Variants in XRRA1 observed in about 807,000 individuals in gnomAD.
The protein encoded by XRRA1 is X-ray radiation resistance-associated protein 1.
A neutral mutation model predicts 80.2 loss-of-function variants in XRRA1; 69 were observed. The ratio of observed to expected loss-of-function variants is 0.86; its 90% CI spans 0.71 to 1.05. The LOEUF is 1.05. Among genes scored for constraint, XRRA1 ranks in the 50% least tolerant of loss-of-function variants. XRRA1 has a pLI of 0.00. For missense variants in XRRA1, 967 were observed against 976.4 expected (o/e 0.99, Z 0.13); for synonymous variants, 348 against 389.9 (o/e 0.89, Z 1.27).
intron 12 of XRRA1, among the ~76,000 whole-genome samples, chr11:74,852,619 G>C (rs1027699486): frequency 9.2e-5 from 14 of 152,154 alleles, no homozygotes; most frequent in African/African-American, 3.1e-4. Flanking sequence ...ACATCTAAGG[G>C]ATAAGTAGAG....
rs1312156559 is a variant in XRRA1, at chr11:74,921,350, G to A, written c.523-3C>T. The A allele has an allele frequency of 6.2e-7, 1 of 1,613,838 alleles. No homozygotes were observed. On this transcript the variant is annotated splice_region_variant and splice_polypyrimidine_tract_variant and intron_variant, in intron 7 of 18. Coordinates refer to ENST00000684022, the MANE Select transcript of XRRA1 (RefSeq NM_001378157.1). ...CTGTTGAAGGAAAGGTCCAAGAACT[G>A]CCATGCAAAGATGAAAGATGGGGAA... is the stretch of plus-strand genomic sequence containing the variant.
At chr11:74,873,100 G>T (rs1282677) in intron 10 of XRRA1, among the ~76,000 whole-genome samples, 124,985 of 152,078 alleles carry the variant, frequency 0.82, 51,619 homozygotes, top group African/African-American at 0.89. Flanking sequence ...AATCCAGAAG[G>T]GTGAGCAACT....
At chr11:74,870,266 T>C (rs2044468338) in intron 10 of XRRA1, among the ~76,000 whole-genome samples, 1 of 152,144 alleles carries the variant, frequency 6.6e-6, no homozygotes, top group Admixed American at 6.5e-5. Flanking sequence ...ATGGAGAGCC[T>C]AGCTATTGCA....
intron 10 of XRRA1, among the ~76,000 whole-genome samples, chr11:74,902,499 A>C (rs772166523): frequency 5.9e-5 from 9 of 152,242 alleles, no homozygotes; most frequent in Non-Finnish European, 1.2e-4. Flanking sequence ...ACAATAGCCA[A>C]GATTTGGAAG....
chr11:74,907,774 G>A (rs1257237461), intron 8 of XRRA1, among the ~76,000 whole-genome samples: 2 of 152,136 alleles, frequency 1.3e-5, no homozygotes, highest in Non-Finnish European at 2.9e-5. Flanking sequence ...ACCCCTGGCT[G>A]CAGTGAGGCT....
rs759164553 is a variant in XRRA1, at chr11:74,843,884, C to T, written c.2119G>A (p.Asp707Asn). 1.2e-6 allele frequency: 2 copies of T among 1,612,378 alleles called. No homozygotes were observed. Among genetic ancestry groups the T allele is most frequent in the Non-Finnish European group, 1.7e-6 (2 of 1,179,312 alleles). Reference sequence around the variant, plus strand: ...GGAGCCTCTGTAATGTTCCGGGGATCCCGCAAGCGAATGAAGATGTCATCC... The same window carrying T: ...GGAGCCTCTGTAATGTTCCGGGGATTCCGCAAGCGAATGAAGATGTCATCC... Reference protein sequence around the residue: ...LLDDIFIRLRDPRNITEAPLG... With the variant: ...LLDDIFIRLRNPRNITEAPLG... The change falls in exon 18 of 19, where the codon GAT becomes AAT. Residue 707 changes from aspartate to asparagine, a missense_variant. Physicochemically the swap from Asp to Asn is conservative, Grantham distance 23. Coordinates refer to ENST00000684022, the MANE Select transcript of XRRA1 (RefSeq NM_001378157.1).
At chr11:74,849,806 C>T (rs2039313454) in intron 14 of XRRA1, among the ~76,000 whole-genome samples, 1 of 152,226 alleles carries the variant, frequency 6.6e-6, no homozygotes, top group Non-Finnish European at 1.5e-5. Flanking sequence ...AAAGGGCTCA[C>T]ACAGCTTCTT....
intron 8 of XRRA1, among the ~76,000 whole-genome samples, chr11:74,912,143 A>G (rs577249936): frequency 2.6e-5 from 4 of 152,326 alleles, no homozygotes; most frequent in African/African-American, 9.6e-5. Flanking sequence ...AATTTAGCTT[A>G]AGCTGATTCC....
At chr11:74,851,786 G>C (rs2039928193) in intron 13 of XRRA1, among the ~76,000 whole-genome samples, 2 of 152,204 alleles carry the variant, frequency 1.3e-5, no homozygotes, top group Non-Finnish European at 2.9e-5. Flanking sequence ...CACTGTCCGT[G>C]GGGACAATAA....
At position 74,945,032 on chromosome 11, in the gene XRRA1, T is replaced by C. The variant is rs1487613546; in HGVS notation, c.-19A>G. On this transcript the variant is annotated 5_prime_UTR_variant, in exon 2 of 19. Coordinates refer to ENST00000684022, the MANE Select transcript of XRRA1 (RefSeq NM_001378157.1). Reference sequence around the variant, plus strand: ...AGAGTACTTACTTGATCTTTGACTTTGGGAATGGCCCCTTAACTTCCTTTT... The same window carrying C: ...AGAGTACTTACTTGATCTTTGACTTCGGGAATGGCCCCTTAACTTCCTTTT... 6.6e-6 allele frequency: 1 copy of C among 152,460 alleles called. No individual in the cohort carries two copies. Among genetic ancestry groups the C allele is most frequent in the Non-Finnish European group, 1.5e-5 (1 of 67,920 alleles). 9.4% of individuals were successfully genotyped at this position (152,460 alleles called of 1,614,324 possible).
At position 74,856,142 on chromosome 11, in the gene XRRA1, AC is replaced by A. The variant is rs2041042843; in HGVS notation, c.1170+3015del. On this transcript the variant is annotated intron_variant, in intron 12 of 18. Coordinates refer to ENST00000684022, the MANE Select transcript of XRRA1 (RefSeq NM_001378157.1). Reference sequence around the variant, plus strand: ...GCGAAACTCCATCTGAACAACAACAACAACAAAAATCATTCATTCATCTAAC... The same window carrying A: ...GCGAAACTCCATCTGAACAACAACAAAACAAAAATCATTCATTCATCTAAC... Among the ~76,000 whole-genome samples, 67 of 152,344 alleles carry A rather than the reference AC, an allele frequency of 4.4e-4. 1 individual carries two copies. The South Asian group carries it at 0.013, about 31-fold the overall frequency.
intron 2 of XRRA1, among the ~76,000 whole-genome samples, chr11:74,944,577 T>C (rs933124299): frequency 9.9e-5 from 15 of 152,184 alleles, no homozygotes; most frequent in Non-Finnish European, 2.9e-5. Context: ...TGCAAAGGGA[T>C]GGAGGCTTGT....
intron 4 of XRRA1, among the ~76,000 whole-genome samples, chr11:74,936,299 A>G (rs1944969216): frequency 6.6e-6 from 1 of 152,212 alleles, no homozygotes; most frequent in African/African-American, 2.4e-5. Flanking sequence ...GCACTAAGTA[A>G]TATCTGGTCA....
chr11:74,863,980 A>G (rs960960494), intron 10 of XRRA1: 16 of 152,200 alleles, frequency 1.1e-4, no homozygotes, highest in African/African-American at 3.6e-4. Context: ...TCTCCCCACA[A>G]TCACAGGAAT....
At chr11:74,944,354 G>A (rs1377812526) in intron 2 of XRRA1, among the ~76,000 whole-genome samples, 4 of 152,066 alleles carry the variant, frequency 2.6e-5, no homozygotes, top group Non-Finnish European at 5.9e-5. Flanking sequence ...TGCTACACAC[G>A]CACACACACA....
At chr11:74,947,193 A>C (rs1947751041) in intron 1 of XRRA1, among the ~76,000 whole-genome samples, 1 of 152,124 alleles carries the variant, frequency 6.6e-6, no homozygotes, top group African/African-American at 2.4e-5. Flanking sequence ...TATCAGAAAT[A>C]GTTTCACAGG....
chr11:74,892,351 T>G (rs751369379), intron 10 of XRRA1, among the ~76,000 whole-genome samples: 10 of 152,160 alleles, frequency 6.6e-5, no homozygotes, highest in Non-Finnish European at 1.2e-4. Context: ...TGCCTAGCCA[T>G]ATGTAGAAAG....
At chr11:74,851,760 G>A (rs184669567) in intron 13 of XRRA1, among the ~76,000 whole-genome samples, 2 of 152,302 alleles carry the variant, frequency 1.3e-5, no homozygotes, top group Admixed American at 6.5e-5. Context: ...GAACCTCCCT[G>A]AGCCTCAGTT....
At chr11:74,875,161 C>G (rs763315672) in intron 10 of XRRA1, among the ~76,000 whole-genome samples, 7 of 152,158 alleles carry the variant, frequency 4.6e-5, no homozygotes, top group Non-Finnish European at 1.0e-4. Flanking sequence ...CCTCAGTTTT[C>G]CTTCCACGAG....
Sources: gnomAD v4.1 joint callset for allele counts (sites outside exome capture counted in the v4.1 genomes callset) on GRCh38, gnomAD v4.1.1 for gene constraint, MANE v1.5 for transcripts, NCBI Gene and HGNC (gene_info 2026-07-23, HGNC 2026-07-21) for gene names.